The following ESR1 variants were observed in gnomAD, a reference collection of about 807,000 sequenced individuals.
ESR1 encodes the protein estrogen receptor 1, also known as estrogen receptor.
ESR1 carries 12 observed loss-of-function variants against 52.7 expected under a neutral mutation model. The ratio of observed to expected loss-of-function variants is 0.23; its 90% CI spans 0.15 to 0.37. The LOEUF is 0.37. ESR1 is among the 10% of genes least tolerant of loss of function. The pLI is 1.00. For synonymous variants in ESR1, 305 were observed against 316.8 expected, an observed-to-expected ratio of 0.96 and a Z score of 0.39; for missense variants, 584 against 779.7, an observed-to-expected ratio of 0.75 and a Z score of 2.99.
intron 5 of ESR1, among the ~76,000 whole-genome samples, chr6:152,026,629 G>A (rs997703549): frequency 6.6e-6 from 1 of 151,418 alleles, no homozygotes; most frequent in Non-Finnish European, 1.5e-5. Context: ...ATATTAAATT[G>A]TCTTCTTTAT....
chr6:151,932,861 G>A (rs1376509042), intron 3 of ESR1, among the ~76,000 whole-genome samples: 1 of 145,756 alleles, frequency 6.9e-6, no homozygotes, highest in African/African-American at 2.5e-5. Context: ...CTGTAGCCTT[G>A]TAGTATAGTT....
In ESR1 at chr6:152,102,455, C is replaced by T. The variant is rs992818494; in HGVS notation, c.*3489C>T. On this transcript the variant is annotated 3_prime_UTR_variant, in exon 8 of 8. Transcript: ENST00000206249. ...TAGTTATGTGAAAGGCAAATAGAGT[C>T]ATACAGTAGCTCAAAAGGCAACCAT... The T allele has an allele frequency of 4.8e-6, 1 of 208,508 alleles. No homozygotes were observed. Among genetic ancestry groups the T allele is most frequent in the Non-Finnish European group, 9.8e-6 (1 of 102,438 alleles). 12.9% of individuals were successfully genotyped at this position (208,508 alleles called of 1,614,324 possible).
Position 152,092,106 on chromosome 6 carries a change from C to T in ESR1, c.1370-2279C>T, listed in dbSNP as rs143130556. Reference sequence around the variant, plus strand: ...CCAGCTCACACCCTCTGCTATCTGCCACCTCCAGGCCAACACCACGGCCAT... The same window carrying T: ...CCAGCTCACACCCTCTGCTATCTGCTACCTCCAGGCCAACACCACGGCCAT... On this transcript the variant is annotated intron_variant, in intron 6 of 7. Coordinates refer to ENST00000206249, the MANE Select transcript of ESR1 (RefSeq NM_000125.4). 4.0e-3 allele frequency among the ~76,000 whole-genome samples: 607 copies of T among 152,320 alleles called. 1 individual carries two copies. Among genetic ancestry groups the T allele is most frequent in the Non-Finnish European group, 6.4e-3 (433 of 68,034 alleles).
chr6:151,707,718 AT>A (rs944293751), intron 2 of ESR1, among the ~76,000 whole-genome samples: 35 of 151,178 alleles, frequency 2.3e-4, no homozygotes, highest in South Asian at 1.7e-3. Flanking sequence ...TGCCAGATAT[AT>A]TTTTTTTTAC....
chr6:152,128,421 C>G (rs952818543), exon 7 of ESR1: 1 of 152,146 alleles, frequency 6.6e-6, no homozygotes, highest in Non-Finnish European at 1.5e-5. Flanking sequence ...TTTGTAGGCC[C>G]AGGGCCTAAA....
intron 5 of ESR1, among the ~76,000 whole-genome samples, chr6:152,018,399 T>C (rs983087394): frequency 5.3e-5 from 8 of 151,764 alleles, no homozygotes; most frequent in African/African-American, 1.9e-4. Flanking sequence ...GTAAATTCTT[T>C]GCAGATTTTT....
At chr6:151,817,820 T>A (rs1779922225) in intron 1 of ESR1, among the ~76,000 whole-genome samples, 7 of 152,206 alleles carry the variant, frequency 4.6e-5, no homozygotes. Flanking sequence ...CATAGGGTTC[T>A]TTTTCCCTCT....
chr6:151,679,122 T>A (rs1178788338), intron 1 of ESR1, among the ~76,000 whole-genome samples: 1 of 152,202 alleles, frequency 6.6e-6, no homozygotes, highest in Non-Finnish European at 1.5e-5. Context: ...AACAGAAGTA[T>A]GAATTGCCTT....
intron 2 of ESR1, among the ~76,000 whole-genome samples, chr6:151,756,727 C>T (rs903033091): frequency 2.6e-5 from 4 of 152,180 alleles, no homozygotes; most frequent in African/African-American, 4.8e-5. Context: ...TGATGGCTCA[C>T]GCCTGTAATC....
rs9341080 is a variant in ESR1, at chr6:152,102,595, T to C, written c.*3629T>C. 5.1e-3 allele frequency: 1,124 copies of C among 219,848 alleles called. 6 individuals are homozygous for C. The highest frequency in any genetic ancestry group is 8.2e-3 in the Non-Finnish European group (898 of 109,542). The allele number at this position is 219,848 out of a possible 1,614,324, so 13.6% of individuals were successfully genotyped here. Reference sequence around the variant, plus strand: ...AGCAAATGAACTTTGGTCCCAAATATCCATCTTTTCAGTAGCGTTAATTAT... The same window carrying C: ...AGCAAATGAACTTTGGTCCCAAATACCCATCTTTTCAGTAGCGTTAATTAT... On this transcript the variant is annotated 3_prime_UTR_variant, in exon 8 of 8. Transcript: ENST00000206249.
chr6:152,050,998 T>G (rs752628706), intron 5 of ESR1, among the ~76,000 whole-genome samples: 4 of 152,156 alleles, frequency 2.6e-5, no homozygotes, highest in African/African-American at 7.2e-5. Context: ...ATTAGTAGAG[T>G]AGATGTAGAG....
At chr6:151,938,836 A>G (rs1294376829) in intron 3 of ESR1, among the ~76,000 whole-genome samples, 1 of 152,212 alleles carries the variant, frequency 6.6e-6, no homozygotes, top group Non-Finnish European at 1.5e-5. Flanking sequence ...ACCCAAGGAG[A>G]TGAAATTCAA....
intron 3 of ESR1, among the ~76,000 whole-genome samples, chr6:151,889,295 C>A (rs1263700591): frequency 6.6e-6 from 1 of 152,114 alleles, no homozygotes; most frequent in Admixed American, 6.5e-5. Context: ...AGGTCCTGGG[C>A]TTTTCTTCCA....
Position 151,985,351 on chromosome 6 carries a change from C to CA in ESR1, c.1097-26298dup, listed in dbSNP as rs201306083. Reference sequence around the variant, plus strand: ...TGAAATCCTATCTCTACTAAAAATACAAAAAAATTAGCTGGGCATGGTGGC... The same window carrying CA: ...TGAAATCCTATCTCTACTAAAAATACAAAAAAAATTAGCTGGGCATGGTGGC... On this transcript the variant is annotated intron_variant, in intron 4 of 7. Coordinates refer to ENST00000206249, the MANE Select transcript of ESR1 (RefSeq NM_000125.4). Among the ~76,000 whole-genome samples the CA allele has an allele frequency of 6.8e-3, 1,024 of 150,740 alleles. 13 individuals carry two copies. The highest frequency in any genetic ancestry group is 0.023 in the African/African-American group (950 of 41,010).
chr6:151,797,565 C>T (rs929019933), intron 2 of ESR1, among the ~76,000 whole-genome samples: 13 of 152,144 alleles, frequency 8.5e-5, no homozygotes, highest in Admixed American at 6.5e-4. Flanking sequence ...AAATCATTAG[C>T]CTATTTGATT....
intron 2 of ESR1, among the ~76,000 whole-genome samples, chr6:151,788,956 G>T (rs1194216484): frequency 6.6e-6 from 1 of 152,200 alleles, no homozygotes; most frequent in Non-Finnish European, 1.5e-5. Context: ...CTATCAGAGG[G>T]TGGAGGGTGG....
At chr6:151,906,377 A>C (rs983856117) in intron 3 of ESR1, among the ~76,000 whole-genome samples, 1 of 152,048 alleles carries the variant, frequency 6.6e-6, no homozygotes, top group South Asian at 2.1e-4. Context: ...AGCAGTTTAG[A>C]GTCTTGAAAT....
chr6:152,008,246 C>T (rs1166980692), intron 4 of ESR1, among the ~76,000 whole-genome samples: 1 of 152,114 alleles, frequency 6.6e-6, no homozygotes, highest in East Asian at 1.9e-4. Context: ...TCTCTCCCAA[C>T]CCTGACCCAG....
At chr6:151,762,363 C>T (rs986180699) in intron 2 of ESR1, among the ~76,000 whole-genome samples, 2 of 152,128 alleles carry the variant, frequency 1.3e-5, no homozygotes, top group African/African-American at 4.8e-5. Context: ...CTGTTATAGG[C>T]TTTGCAAGTT....
Sources: gnomAD v4.1 joint callset for allele counts (sites outside exome capture counted in the v4.1 genomes callset) on GRCh38, gnomAD v4.1.1 for gene constraint, MANE v1.5 for transcripts, NCBI Gene and HGNC (gene_info 2026-07-23, HGNC 2026-07-21) for gene names.